Variants in AP3B1 observed in about 807,000 individuals in gnomAD.
The protein encoded by AP3B1 is adaptor related protein complex 3 subunit beta 1, also known as AP-3 complex subunit beta-1.
A neutral mutation model predicts 132.5 loss-of-function variants in AP3B1; 61 were observed. The observed-to-expected ratio is 0.46, with a 90% CI of 0.37 to 0.57. The LOEUF is 0.57. Ranked by LOEUF, AP3B1 falls within the 20% of genes least tolerant of loss-of-function variation. The probability of loss-of-function intolerance (pLI) is 0.00; values close to 1 mark genes in which losing one functional copy is unlikely to be tolerated. For missense variants in AP3B1, 1,120 were observed against 1,289.4 expected (o/e 0.87, Z 2.01); for synonymous variants, 388 against 438.3 (o/e 0.89, Z 1.43).
At chr5:78,136,718 G>GTT (rs1300789377) in intron 15 of AP3B1, among the ~76,000 whole-genome samples, 4,150 of 128,454 alleles carry the variant, frequency 0.032, 196 homozygotes, top group African/African-American at 0.12. Context: ...TTGTACTTCT[G>GTT]GTTTTTTTTT....
At chr5:78,082,999 T>C (rs530094191) in intron 22 of AP3B1, among the ~76,000 whole-genome samples, 5 of 152,196 alleles carry the variant, frequency 3.3e-5, no homozygotes, top group African/African-American at 1.2e-4. Context: ...ATATTTTTAG[T>C]AGAAACGGGG....
At chr5:78,175,754 T>C (rs1744121388) in intron 10 of AP3B1, 30 bp downstream of exon 10, 1 of 1,610,204 alleles carries the variant, frequency 6.2e-7, no homozygotes, top group Non-Finnish European at 8.5e-7. Flanking sequence ...TTCATGTGTC[T>C]CTTAAATTAC....
intron 13 of AP3B1, among the ~76,000 whole-genome samples, chr5:78,156,979 GC>G (rs953042738): frequency 1.4e-4 from 22 of 152,228 alleles, no homozygotes; most frequent in Non-Finnish European, 2.2e-4. Flanking sequence ...TCTCTCCCCA[GC>G]ACTGTGCCCT....
At chr5:78,193,750 A>ATATC (rs1561469506) in intron 7 of AP3B1, among the ~76,000 whole-genome samples, 3 of 115,866 alleles carry the variant, frequency 2.6e-5, no homozygotes, top group South Asian at 2.6e-4. Flanking sequence ...TTTTTTATAT[A>ATATC]TATATATATA....
intron 14 of AP3B1, among the ~76,000 whole-genome samples, chr5:78,148,385 G>A (rs2112340899): frequency 6.6e-6 from 1 of 152,202 alleles, no homozygotes; most frequent in Non-Finnish European, 1.5e-5. Context: ...TGTAAACAAG[G>A]TATTAACTAT....
intron 1 of AP3B1, among the ~76,000 whole-genome samples, chr5:78,272,282 G>GT (rs141067466): frequency 0.24 from 35,972 of 152,024 alleles, 5,071 homozygotes; most frequent in Non-Finnish European, 0.31. Flanking sequence ...GATGTCTTAC[G>GT]CTCCTTAAAA....
intron 14 of AP3B1, among the ~76,000 whole-genome samples, chr5:78,154,163 C>T (rs562659256): frequency 1.3e-5 from 2 of 152,250 alleles, no homozygotes; most frequent in South Asian, 4.1e-4. Flanking sequence ...CCTCCCTCAG[C>T]TTTTGTTTGT....
chr5:78,016,257 G>C (rs1013408276), intron 25 of AP3B1, among the ~76,000 whole-genome samples: 2 of 151,956 alleles, frequency 1.3e-5, no homozygotes, highest in Non-Finnish European at 2.9e-5. Context: ...ATTTAGGAGA[G>C]AAATTAAGTT....
intron 7 of AP3B1, among the ~76,000 whole-genome samples, chr5:78,212,260 G>A (rs1262751539): frequency 6.6e-6 from 1 of 152,088 alleles, no homozygotes; most frequent in Admixed American, 6.5e-5. Context: ...CAGCCTGGGT[G>A]ACAGAGACAG....
chr5:78,255,294 A>G (rs1456393401), intron 2 of AP3B1, among the ~76,000 whole-genome samples: 1 of 152,114 alleles, frequency 6.6e-6, no homozygotes, highest in Non-Finnish European at 1.5e-5. Flanking sequence ...AATCAGAAAA[A>G]CAGAGTGGCC....
chr5:78,091,076 A>G (rs2545424), intron 21 of AP3B1, among the ~76,000 whole-genome samples: 135,162 of 151,954 alleles, frequency 0.89, 60,835 homozygotes, highest in African/African-American at 0.95. Flanking sequence ...CGTGTGCCAC[A>G]ACACCCAGCT....
In AP3B1 at chr5:78,294,465, T is replaced by G; in HGVS notation, c.115A>C (p.Ser39Arg). ...SPSGAFGLFS[S>R]DLKKNEDLKQ... Reference sequence around the variant, plus strand: ...CTTTCTCCTCACTTCTTCAAATCGCTGCTAAAGAGGCCGAAGGCCCCCGAG... The same window carrying G: ...CTTTCTCCTCACTTCTTCAAATCGCGGCTAAAGAGGCCGAAGGCCCCCGAG... The change falls in exon 1 of 27, where the codon AGC (serine) becomes CGC (arginine). Residue 39 changes from serine to arginine, a missense_variant. Physicochemically the swap from Ser to Arg is moderately radical, Grantham distance 110. Coordinates refer to ENST00000255194, the MANE Select transcript of AP3B1 (RefSeq NM_003664.5). The G allele has an allele frequency of 6.2e-7, 1 of 1,614,178 alleles. No individual in the cohort carries two copies. The highest frequency in any genetic ancestry group is 8.5e-7 in the Non-Finnish European group (1 of 1,180,024).
intron 7 of AP3B1, among the ~76,000 whole-genome samples, chr5:78,193,740 T>TATATATATATATATCTA (rs1561469382): frequency 3.0e-3 from 124 of 41,522 alleles, no homozygotes; most frequent in Middle Eastern, 0.013. Context: ...TTGTATATAT[T>TATATATATATATATCTA]TTTTTATATA....
At chr5:78,184,922 T>C (rs1744541434) in intron 7 of AP3B1, among the ~76,000 whole-genome samples, 1 of 152,160 alleles carries the variant, frequency 6.6e-6, no homozygotes, top group South Asian at 2.1e-4. Flanking sequence ...GCACACATTA[T>C]AGTAAAACCT....
chr5:78,185,604 G>C (rs1744572903), intron 7 of AP3B1, among the ~76,000 whole-genome samples: 1 of 152,134 alleles, frequency 6.6e-6, no homozygotes, highest in Non-Finnish European at 1.5e-5. Flanking sequence ...TCGTGCTTTG[G>C]TAGAAAGATT....
intron 2 of AP3B1, among the ~76,000 whole-genome samples, chr5:78,258,202 C>T (rs575557369): frequency 1.6e-3 from 251 of 152,222 alleles, no homozygotes; most frequent in African/African-American, 5.8e-3. Context: ...GCAAAGGACA[C>T]GATCAACAAA....
intron 26 of AP3B1, 120 bp downstream of exon 26, chr5:78,015,290 G>A: frequency 9.5e-7 from 1 of 1,051,728 alleles, no homozygotes; most frequent in Admixed American, 2.2e-5. Context: ...AAAAGGGAGT[G>A]TGTGTATATA....
At chr5:78,155,183 G>C (rs1743096033) in intron 14 of AP3B1, among the ~76,000 whole-genome samples, 2 of 152,118 alleles carry the variant, frequency 1.3e-5, no homozygotes, top group African/African-American at 4.8e-5. Context: ...GTACTGCCTT[G>C]GATAAATCTG....
chr5:78,106,300 T>C (rs912808842), intron 20 of AP3B1, among the ~76,000 whole-genome samples: 2 of 151,572 alleles, frequency 1.3e-5, no homozygotes, highest in African/African-American at 4.9e-5. Flanking sequence ...CTATTAAAAA[T>C]ACAAAAAATT....
Sources: gnomAD v4.1 joint callset for allele counts (sites outside exome capture counted in the v4.1 genomes callset) on GRCh38, gnomAD v4.1.1 for gene constraint, MANE v1.5 for transcripts, NCBI Gene and HGNC (gene_info 2026-07-23, HGNC 2026-07-21) for gene names.